Variants in PREX2 observed in about 807,000 individuals in gnomAD.
The protein encoded by PREX2 is phosphatidylinositol-3,4,5-trisphosphate dependent Rac exchange factor 2.
Under a neutral mutation model 203.2 loss-of-function variants are expected in PREX2, and 107 were observed. The observed-to-expected ratio is 0.53, with a 90% CI of 0.45 to 0.62. The LOEUF (loss-of-function observed/expected upper bound fraction) is 0.62, where lower values mean the gene tolerates loss of function less well. Among genes scored for constraint, PREX2 ranks in the 20% least tolerant of loss-of-function variants. The pLI is 0.00. For synonymous variants in PREX2, 672 were observed against 663.6 expected, an observed-to-expected ratio of 1.01 and a Z score of -0.19; for missense variants, 1,777 against 1,955.9, an observed-to-expected ratio of 0.91 and a Z score of 1.72.
chr8:68,149,318 G>A (rs1275223722), intron 34 of PREX2, among the ~76,000 whole-genome samples: 1 of 152,154 alleles, frequency 6.6e-6, no homozygotes, highest in Non-Finnish European at 1.5e-5. Context: ...CAGGGTTGGC[G>A]GCCAATGTGT....
chr8:68,210,199 G>A (rs1055470916), intron 37 of PREX2, among the ~76,000 whole-genome samples: 2 of 151,794 alleles, frequency 1.3e-5, no homozygotes, highest in Non-Finnish European at 2.9e-5. Context: ...AAAAATGTGG[G>A]GAAATAAAAA....
chr8:68,117,359 CTA>C (rs1275966609), intron 26 of PREX2, among the ~76,000 whole-genome samples: 1 of 152,144 alleles, frequency 6.6e-6, no homozygotes, highest in Non-Finnish European at 1.5e-5. Flanking sequence ...ATTCCAATTT[CTA>C]TGTTTCCAAA....
chr8:68,124,189 G>A (rs761571098), intron 30 of PREX2, among the ~76,000 whole-genome samples: 4 of 152,168 alleles, frequency 2.6e-5, no homozygotes, highest in East Asian at 1.9e-4. Context: ...ATGTGCACAC[G>A]TATGTTCGTT....
chr8:67,971,216 G>A (rs575696342), intron 1 of PREX2, among the ~76,000 whole-genome samples: 4 of 152,166 alleles, frequency 2.6e-5, no homozygotes, highest in African/African-American at 4.8e-5. Context: ...TTCAGAAAGC[G>A]TCGTCTGGGA....
chr8:68,182,341 C>A (rs1011572001), intron 35 of PREX2, among the ~76,000 whole-genome samples: 1 of 151,896 alleles, frequency 6.6e-6, no homozygotes, highest in African/African-American at 2.4e-5. Context: ...CAAGGGAGAC[C>A]CTGAGAATAT....
At chr8:68,194,815 T>A (rs74601479) in intron 37 of PREX2, among the ~76,000 whole-genome samples, 1 of 140,276 alleles carries the variant, frequency 7.1e-6, no homozygotes, top group Non-Finnish European at 1.6e-5. Context: ...AAAAAAAAAA[T>A]ATGAAGGAGT....
chr8:67,969,449 C>G (rs1299801794), intron 1 of PREX2, among the ~76,000 whole-genome samples: 1 of 151,900 alleles, frequency 6.6e-6, no homozygotes, highest in African/African-American at 2.4e-5. Context: ...TTGAGTGTGG[C>G]CTTTAGGCTT....
chr8:68,156,029 T>G (rs1811537704), intron 34 of PREX2, among the ~76,000 whole-genome samples: 1 of 152,108 alleles, frequency 6.6e-6, no homozygotes, highest in African/African-American at 2.4e-5. Flanking sequence ...GAGTGAAAAT[T>G]TCCATTTTTT....
At chr8:68,041,980 T>C (rs960559101) in intron 7 of PREX2, among the ~76,000 whole-genome samples, 2 of 152,110 alleles carry the variant, frequency 1.3e-5, no homozygotes, top group African/African-American at 4.8e-5. Context: ...ATGTATTATG[T>C]GGATCAAATA....
Position 68,083,267 on chromosome 8 carries a change from AT to A in PREX2, c.1911del (p.Phe637LeufsTer7). ...EMAGMEVGKK[I>X]FAINGDLVFM... Reference sequence around the variant, plus strand: ...GGCTGGCATGGAAGTCGGGAAAAAGATTTTTGCTATTAATGGTGACCTAGTT... The same window carrying A: ...GGCTGGCATGGAAGTCGGGAAAAAGATTTTGCTATTAATGGTGACCTAGTT... On this transcript the variant is annotated frameshift_variant, in exon 18 of 40. Transcript: ENST00000288368. LOFTEE classifies it high-confidence loss of function. 1 of 1,600,994 alleles carries A rather than the reference AT, an allele frequency of 6.2e-7. No individual in the cohort carries two copies. Among genetic ancestry groups the A allele is most frequent in the Non-Finnish European group, 8.5e-7 (1 of 1,171,564 alleles).
intron 35 of PREX2, among the ~76,000 whole-genome samples, chr8:68,157,912 G>T (rs1402937158): frequency 6.6e-6 from 1 of 151,844 alleles, no homozygotes; most frequent in African/African-American, 2.4e-5. Context: ...GTCCCTTAAT[G>T]CTTGCATTTT....
At position 68,146,145 on chromosome 8, in the gene PREX2, A is replaced by T. The variant is rs556529289; in HGVS notation, c.4088-64A>T. On this transcript the variant is annotated intron_variant, in intron 33 of 39. Coordinates refer to ENST00000288368, the MANE Select transcript of PREX2 (RefSeq NM_024870.4). ...ATTCTCAGGATTCTTTCTGAAAGTTAACAAAAGTACCATCTAGCATATCCT... is the reference window on the plus strand; with the variant it reads ...ATTCTCAGGATTCTTTCTGAAAGTTTACAAAAGTACCATCTAGCATATCCT... The T allele has an allele frequency of 2.4e-4, 279 of 1,174,110 alleles. 2 individuals carry two copies. The East Asian group carries it at 6.7e-3, about 28-fold the overall frequency. 72.7% of individuals were successfully genotyped at this position (1,174,110 alleles called of 1,614,324 possible). A position where few individuals can be genotyped will look rare whatever the true frequency, so the allele number is the denominator to read the frequency against.
intron 35 of PREX2, among the ~76,000 whole-genome samples, chr8:68,177,613 C>T (rs1812005887): frequency 6.6e-6 from 1 of 152,146 alleles, no homozygotes; most frequent in South Asian, 2.1e-4. Flanking sequence ...CAACATCTTT[C>T]CATGTACTTT....
At chr8:68,086,305 T>G (rs1282546376) in intron 18 of PREX2, among the ~76,000 whole-genome samples, 1 of 152,188 alleles carries the variant, frequency 6.6e-6, no homozygotes, top group Non-Finnish European at 1.5e-5. Flanking sequence ...TGCCAGCCTC[T>G]CTGCCTTAGG....
chr8:68,077,503 T>C (rs1200406938), intron 15 of PREX2, 34 bp downstream of exon 15: 1 of 1,467,466 alleles, frequency 6.8e-7, no homozygotes, highest in Admixed American at 1.7e-5. Context: ...CTTACAGATG[T>C]ATTTCATCAC....
At chr8:67,998,855 C>T (rs1806847740) in intron 1 of PREX2, among the ~76,000 whole-genome samples, 1 of 152,234 alleles carries the variant, frequency 6.6e-6, no homozygotes, top group Non-Finnish European at 1.5e-5. Context: ...TGAATTCACA[C>T]TCCTACTGCA....
intron 1 of PREX2, among the ~76,000 whole-genome samples, chr8:67,989,742 T>G (rs1390629998): frequency 6.6e-6 from 1 of 152,218 alleles, no homozygotes; most frequent in Non-Finnish European, 1.5e-5. Flanking sequence ...TTCTGAAGAC[T>G]CAAAATTATC....
In PREX2 at chr8:68,069,154, A is replaced by C. The variant is rs1563528173; in HGVS notation, c.1443+18A>C. On this transcript the variant is annotated intron_variant, in intron 12 of 39. Coordinates refer to ENST00000288368, the MANE Select transcript of PREX2 (RefSeq NM_024870.4). ...TTTCAAAGGTAACGACCTCTCCCAC[A>C]ACCTCTCCAATAGTAGAATGCATGT... is the stretch of plus-strand genomic sequence containing the variant. The C allele has an allele frequency of 8.7e-7, 1 of 1,150,898 alleles. No individual in the cohort carries two copies. 71.3% of individuals were successfully genotyped at this position (1,150,898 alleles called of 1,614,324 possible). A position where few individuals can be genotyped will look rare whatever the true frequency, so the allele number is the denominator to read the frequency against.
At chr8:68,123,301 A>G (rs1810817135) in intron 30 of PREX2, among the ~76,000 whole-genome samples, 1 of 152,076 alleles carries the variant, frequency 6.6e-6, no homozygotes, top group Non-Finnish European at 1.5e-5. Context: ...ATCTTGATTT[A>G]TAAACCTAAC....
Sources: gnomAD v4.1 joint callset for allele counts (sites outside exome capture counted in the v4.1 genomes callset) on GRCh38, gnomAD v4.1.1 for gene constraint, MANE v1.5 for transcripts, NCBI Gene and HGNC (gene_info 2026-07-23, HGNC 2026-07-21) for gene names.